Variants in DDX10 observed in about 807,000 individuals in gnomAD.
The protein encoded by DDX10 is DEAD-box helicase 10, also known as probable ATP-dependent RNA helicase DDX10.
Under a neutral mutation model 104.3 loss-of-function variants are expected in DDX10, and 74 were observed. The ratio of observed to expected loss-of-function variants is 0.71; its 90% confidence interval spans 0.59 to 0.86. DDX10 has a LOEUF of 0.86. Ranked by LOEUF, DDX10 falls within the 40% of genes least tolerant of loss-of-function variation. The pLI is 0.00. For synonymous variants in DDX10, 351 were observed against 353.4 expected (o/e 0.99, Z 0.08); for missense variants, 952 against 1,040.0 (o/e 0.92, Z 1.16).
intron 13 of DDX10, among the ~76,000 whole-genome samples, chr11:108,728,504 CTTTTTT>C (rs71050884): frequency 4.1e-5 from 5 of 121,780 alleles, no homozygotes; most frequent in African/African-American, 1.2e-4. Flanking sequence ...CACATTTGTT[CTTTTTT>C]TTTTTTTTTT....
chr11:108,719,298 G>A (rs903418419), intron 11 of DDX10, among the ~76,000 whole-genome samples: 4 of 151,988 alleles, frequency 2.6e-5, no homozygotes, highest in Middle Eastern at 6.8e-3. Context: ...TCAATAACTA[G>A]CATTTGTTGT....
intron 16 of DDX10, among the ~76,000 whole-genome samples, chr11:108,896,170 A>G (rs1863438267): frequency 1.3e-5 from 2 of 152,268 alleles, no homozygotes; most frequent in South Asian, 4.1e-4. Flanking sequence ...ATCTACTATG[A>G]ATTGTTATAG....
At chr11:108,666,845 G>A (rs2094210820) in intron 1 of DDX10, among the ~76,000 whole-genome samples, 1 of 152,144 alleles carries the variant, frequency 6.6e-6, no homozygotes, top group African/African-American at 2.4e-5. Context: ...GCCATGTAAG[G>A]TAACATTCAT....
intron 17 of DDX10, among the ~76,000 whole-genome samples, chr11:108,939,802 C>G (rs1255189751): frequency 6.6e-6 from 1 of 152,180 alleles, no homozygotes; most frequent in Non-Finnish European, 1.5e-5. Flanking sequence ...TGCATGTTCT[C>G]TAGATCACAA....
chr11:108,678,258 T>C (rs1048536284), intron 4 of DDX10, 57 bp from the exon 5 acceptor site: 1 of 1,564,572 alleles, frequency 6.4e-7, no homozygotes, highest in Admixed American at 1.9e-5. Flanking sequence ...ATAGCTTTGG[T>C]ACACAGGCTG....
At chr11:108,932,524 C>T (rs1447545286) in intron 17 of DDX10, among the ~76,000 whole-genome samples, 2 of 152,010 alleles carry the variant, frequency 1.3e-5, no homozygotes, top group African/African-American at 4.8e-5. Flanking sequence ...CTCTTCCATT[C>T]TCCATTGAAT....
At chr11:108,826,684 A>G (rs1259860578) in intron 13 of DDX10, among the ~76,000 whole-genome samples, 1 of 152,334 alleles carries the variant, frequency 6.6e-6, no homozygotes, top group South Asian at 2.1e-4. Context: ...GGTGACTTGC[A>G]GCAGGGCCAC....
At chr11:108,821,515 A>G (rs1170162288) in intron 13 of DDX10, among the ~76,000 whole-genome samples, 1 of 152,182 alleles carries the variant, frequency 6.6e-6, no homozygotes, top group Non-Finnish European at 1.5e-5. Flanking sequence ...AGAAAAACTA[A>G]TAAGTAAAAA....
intron 9 of DDX10, among the ~76,000 whole-genome samples, chr11:108,703,927 C>A (rs1322527159): frequency 2.0e-5 from 3 of 152,046 alleles, no homozygotes; most frequent in African/African-American, 7.2e-5. Context: ...TTAATGGGTG[C>A]TTGCCTTATG....
At chr11:108,912,843 C>T (rs1203844558) in intron 16 of DDX10, among the ~76,000 whole-genome samples, 6 of 152,236 alleles carry the variant, frequency 3.9e-5, no homozygotes, top group South Asian at 2.1e-4. Context: ...GTGACTATTC[C>T]TCTACCTCCA....
chr11:108,741,952 A>T (rs935760960), intron 13 of DDX10, among the ~76,000 whole-genome samples: 1 of 152,170 alleles, frequency 6.6e-6, no homozygotes, highest in Admixed American at 6.5e-5. Flanking sequence ...ACTGAAGGAC[A>T]TTGAGACACA....
At chr11:108,844,597 G>T (rs569095450) in intron 15 of DDX10, among the ~76,000 whole-genome samples, 1 of 152,214 alleles carries the variant, frequency 6.6e-6, no homozygotes, top group Non-Finnish European at 1.5e-5. Context: ...AGAATACTGT[G>T]CTGTACTGTG....
At chr11:108,696,850 AG>A (rs760265956) in intron 9 of DDX10, among the ~76,000 whole-genome samples, 20 of 152,212 alleles carry the variant, frequency 1.3e-4, no homozygotes, top group Non-Finnish European at 2.6e-4. Context: ...GAATACATTT[AG>A]CAGTAAAATT....
At chr11:108,690,408 A>G (rs1174546173) in intron 7 of DDX10, 1 of 152,832 alleles carries the variant, frequency 6.5e-6, no homozygotes, top group South Asian at 2.1e-4. Flanking sequence ...CATGGGGCTG[A>G]GATGATACCA....
chr11:108,918,044 T>A (rs1301662833), intron 17 of DDX10, 26 bp downstream of exon 17: 1 of 1,596,622 alleles, frequency 6.3e-7, no homozygotes, highest in Non-Finnish European at 8.6e-7. Flanking sequence ...GGGTATGAAA[T>A]ACATACTTAG....
Position 108,940,586 on chromosome 11 carries a change from C to G in DDX10, c.*163C>G, listed in dbSNP as rs1864097068. 1 of 642,816 alleles carries G rather than the reference C, an allele frequency of 1.6e-6. No homozygotes were observed. Among genetic ancestry groups the G allele is most frequent in the Non-Finnish European group, 2.6e-6 (1 of 387,728 alleles). 39.8% of individuals were successfully genotyped at this position (642,816 alleles called of 1,614,324 possible). The stretch of plus-strand genomic sequence containing the variant: ...GTATCTCCAAGTCCCTCTCACAGGA[C>G]ATGCTTTGTGCCATCACTGAGCATA... On this transcript the variant is annotated 3_prime_UTR_variant, in exon 18 of 18. Transcript: ENST00000322536.
chr11:108,837,569 C>T (rs1862571542), intron 13 of DDX10, among the ~76,000 whole-genome samples: 1 of 129,418 alleles, frequency 7.7e-6, no homozygotes, highest in African/African-American at 3.0e-5. Context: ...ATCAGTACTT[C>T]CTGTTAAGTG....
At chr11:108,814,687 T>G (rs1862230581) in intron 13 of DDX10, among the ~76,000 whole-genome samples, 1 of 152,238 alleles carries the variant, frequency 6.6e-6, no homozygotes, top group African/African-American at 2.4e-5. Flanking sequence ...AATGACTCTA[T>G]CTTCAAATAT....
chr11:108,824,620 G>A (rs977337703), intron 13 of DDX10, among the ~76,000 whole-genome samples: 5 of 152,118 alleles, frequency 3.3e-5, no homozygotes, highest in African/African-American at 7.2e-5. Context: ...AGGGAAAAAT[G>A]TATCAGGCAC....
Sources: gnomAD v4.1 joint callset for allele counts (sites outside exome capture counted in the v4.1 genomes callset) on GRCh38, gnomAD v4.1.1 for gene constraint, MANE v1.5 for transcripts, NCBI Gene and HGNC (gene_info 2026-07-23, HGNC 2026-07-21) for gene names.